Variants in EHHADH observed in about 807,000 individuals in gnomAD.
The protein encoded by EHHADH is peroxisomal bifunctional enzyme.
EHHADH carries 48 observed loss-of-function variants against 64.4 expected under a neutral mutation model. The ratio of observed to expected loss-of-function variants is 0.75; its 90% confidence interval spans 0.59 to 0.95. The LOEUF (loss-of-function observed/expected upper bound fraction) is 0.95, where lower values mean the gene tolerates loss of function less well. Ranked by LOEUF, EHHADH falls within the 40% of genes least tolerant of loss-of-function variation. The pLI is 0.00. For missense variants in EHHADH, 854 were observed against 876.6 expected, an observed-to-expected ratio of 0.97 and a Z score of 0.33; for synonymous variants, 308 against 326.7, an observed-to-expected ratio of 0.94 and a Z score of 0.62.
At chr3:185,251,737 A>C (rs1421468505) in intron 1 of EHHADH, among the ~76,000 whole-genome samples, 1 of 152,122 alleles carries the variant, frequency 6.6e-6, no homozygotes, top group Non-Finnish European at 1.5e-5. Flanking sequence ...GGGAGGAAAG[A>C]AAAAGTGTAA....
chr3:185,239,397 G>T (rs1171288074), intron 2 of EHHADH, among the ~76,000 whole-genome samples: 1 of 152,082 alleles, frequency 6.6e-6, no homozygotes, highest in African/African-American at 2.4e-5. Context: ...TAACAATATT[G>T]ATTCTTTCAA....
intron 2 of EHHADH, among the ~76,000 whole-genome samples, chr3:185,240,065 T>C (rs958473918): frequency 6.6e-6 from 1 of 152,138 alleles, no homozygotes; most frequent in Non-Finnish European, 1.5e-5. Context: ...TCTGTTTATC[T>C]GGTGAATCAC....
At position 185,223,481 on chromosome 3, in the gene EHHADH, T is replaced by C. The variant is rs369127342; in HGVS notation, c.464-5241A>G. Among the ~76,000 whole-genome samples, 5 of 152,202 alleles carry C rather than the reference T, an allele frequency of 3.3e-5. No individual in the cohort carries two copies. The East Asian group carries it at 9.6e-4, about 29-fold the overall frequency. The stretch of plus-strand genomic sequence containing the variant: ...TAAAATATTTTCATAGGTTTTAGAG[T>C]TGCAGTTGTTTTAGTTTTAAGAATT... On this transcript the variant is annotated intron_variant, in intron 4 of 6. Transcript: ENST00000231887.
chr3:185,227,240 A>C (rs571924940), intron 4 of EHHADH, among the ~76,000 whole-genome samples: 192 of 152,314 alleles, frequency 1.3e-3, no homozygotes, highest in African/African-American at 4.4e-3. Context: ...TGGGTATAAT[A>C]ATATATACCT....
chr3:185,197,686 C>T (rs1283297663), intron 6 of EHHADH, among the ~76,000 whole-genome samples: 1 of 152,178 alleles, frequency 6.6e-6, no homozygotes, highest in African/African-American at 2.4e-5. Flanking sequence ...TTTATTTACC[C>T]ATTCATCCTT....
chr3:185,244,830 T>C (rs978159484), intron 2 of EHHADH, among the ~76,000 whole-genome samples: 6 of 152,238 alleles, frequency 3.9e-5, no homozygotes, highest in African/African-American at 1.2e-4. Flanking sequence ...TACAAACTTC[T>C]ATCCTCCAGA....
chr3:185,228,257 A>AT (rs1553778699), intron 4 of EHHADH, among the ~76,000 whole-genome samples: 4 of 22,004 alleles, frequency 1.8e-4, no homozygotes, highest in African/African-American at 4.8e-4. Context: ...AAAAAAAAAA[A>AT]ATATATATAT....
At chr3:185,205,362 A>T (rs1368595269) in intron 5 of EHHADH, among the ~76,000 whole-genome samples, 1 of 152,138 alleles carries the variant, frequency 6.6e-6, no homozygotes, top group Non-Finnish European at 1.5e-5. Flanking sequence ...TCTAGTGTCT[A>T]TTATTGAGTG....
rs371878150 is a variant in EHHADH at position 185,192,205 on chromosome 3, G to A, written c.*21C>T. 8.4e-5 allele frequency: 134 copies of A among 1,598,516 alleles called. No homozygotes were observed. The highest frequency in any genetic ancestry group is 1.1e-4 in the Non-Finnish European group (130 of 1,172,494). On this transcript the variant is annotated 3_prime_UTR_variant, in exon 7 of 7. Transcript: ENST00000231887. Reference sequence around the variant, plus strand: ...AGCATTACCTGATGCTAGCATGTGAGGCATAATCTGGAAGACTGAATCACA... The same window carrying A: ...AGCATTACCTGATGCTAGCATGTGAAGCATAATCTGGAAGACTGAATCACA...
At chr3:185,211,861 C>G (rs1718548212) in intron 5 of EHHADH, among the ~76,000 whole-genome samples, 3 of 152,066 alleles carry the variant, frequency 2.0e-5, no homozygotes. Flanking sequence ...TTTTAAAAGC[C>G]ACAACTCCAA....
In EHHADH at chr3:185,197,795, C is replaced by A. The variant is rs139269399; in HGVS notation, c.911-4308G>T. Among the ~76,000 whole-genome samples the A allele has an allele frequency of 1.2e-3, 190 of 152,068 alleles. 3 individuals carry two copies. Among genetic ancestry groups the A allele is most frequent in the African/African-American group, 4.2e-3 (172 of 41,428 alleles). ...TCTATTTGAGTCCCTGCTTTCAATT[C>A]TTTTTTTGTTTGTTTGTTTGAGATG... On this transcript the variant is annotated intron_variant, in intron 6 of 6. Transcript: ENST00000231887.
intron 5 of EHHADH, among the ~76,000 whole-genome samples, chr3:185,212,244 T>G (rs1469722639): frequency 6.6e-6 from 1 of 152,256 alleles, no homozygotes; most frequent in African/African-American, 2.4e-5. Flanking sequence ...CAATCTGGTT[T>G]GGCCAAGTAA....
At chr3:185,209,131 G>A (rs886870180) in intron 5 of EHHADH, among the ~76,000 whole-genome samples, 8 of 152,086 alleles carry the variant, frequency 5.3e-5, no homozygotes, top group Non-Finnish European at 1.2e-4. Flanking sequence ...GGCAAATCAC[G>A]CCTCATTAAA....
chr3:185,244,456 G>A (rs1274711506), intron 2 of EHHADH, among the ~76,000 whole-genome samples: 2 of 152,192 alleles, frequency 1.3e-5, no homozygotes, highest in Admixed American at 6.5e-5. Flanking sequence ...AAATTAGCCT[G>A]TAATTTTTCT....
rs73887833 is a variant in EHHADH at position 185,201,524 on chromosome 3, C to T, written c.910+2892G>A. The stretch of plus-strand genomic sequence containing the variant: ...GCAGATGCAGGTCCTCAGGGTAAGC[C>T]GGGTTTCAGTCAGGAGGCAGAGGAG... On this transcript the variant is annotated intron_variant, in intron 6 of 6. Transcript: ENST00000231887. Among the ~76,000 whole-genome samples, 397 of 152,146 alleles carry T rather than the reference C, an allele frequency of 2.6e-3. 2 individuals carry two copies. Among genetic ancestry groups the T allele is most frequent in the African/African-American group, 9.1e-3 (378 of 41,500 alleles).
chr3:185,204,699 C>T lies in EHHADH; in HGVS notation c.627G>A (p.Met209Ile), dbSNP rs752609032. Residue 209 changes from methionine to isoleucine, a missense_variant, in exon 6 of 7, where the codon ATG becomes ATA. By Grantham distance (10) the Met-to-Ile change is conservative (BLOSUM62 1). Transcript: ENST00000231887. Reference protein sequence around the residue: ...CNKPIQSLPNMDSIFSEALLK... With the variant: ...CNKPIQSLPNIDSIFSEALLK... ...AGAGGGCCTCACTAAAAATGCTGTC[C>T]ATGTTGGGCAAGCTCTGAATTGGCT... 2 of 1,614,054 alleles carry T rather than the reference C, an allele frequency of 1.2e-6. No individual in the cohort carries two copies. The highest frequency in any genetic ancestry group is 2.2e-5 in the South Asian group (2 of 91,068).
At chr3:185,207,089 G>C (rs1026435123) in intron 5 of EHHADH, among the ~76,000 whole-genome samples, 1 of 152,030 alleles carries the variant, frequency 6.6e-6, no homozygotes, top group Non-Finnish European at 1.5e-5. Flanking sequence ...AGGAGGTTGA[G>C]ACCAACCTGG....
At chr3:185,204,316 T>C (rs912571859) in intron 6 of EHHADH, 100 bp downstream of exon 6, 4 of 1,064,248 alleles carry the variant, frequency 3.8e-6, no homozygotes, top group South Asian at 1.7e-5. Context: ...ACACAAGTAA[T>C]GTGTCTTACG....
intron 3 of EHHADH, 108 bp downstream of exon 3, chr3:185,235,182 A>T (rs1419263397): frequency 2.0e-4 from 237 of 1,192,154 alleles, no homozygotes; most frequent in Non-Finnish European, 2.6e-4. Flanking sequence ...TCCATCTCAA[A>T]AAAACAAATA....
Sources: gnomAD v4.1 joint callset for allele counts (sites outside exome capture counted in the v4.1 genomes callset) on GRCh38, gnomAD v4.1.1 for gene constraint, MANE v1.5 for transcripts, NCBI Gene and HGNC (gene_info 2026-07-23, HGNC 2026-07-21) for gene names.